Variants in PKP3 observed in about 807,000 individuals in gnomAD.
PKP3 encodes plakophilin-3.
Under a neutral mutation model 76.5 loss-of-function variants are expected in PKP3, and 66 were observed. The ratio of observed to expected loss-of-function variants is 0.86; its 90% CI spans 0.71 to 1.06. PKP3 has a LOEUF of 1.06. Among genes scored for constraint, PKP3 ranks in the 50% least tolerant of loss-of-function variants. PKP3 has a pLI of 0.00. For missense variants in PKP3, 1,338 were observed against 1,141.0 expected (o/e 1.17, Z -2.49); for synonymous variants, 638 against 516.5 (o/e 1.24, Z -3.19).
At chr11:400,875 C>G (rs1847148402) in intron 8 of PKP3, among the ~76,000 whole-genome samples, 170 bp downstream of exon 8, 1 of 48,222 alleles carries the variant, frequency 2.1e-5, no homozygotes. Context: ...TCACACCCGC[C>G]CCGCTCACCC....
Position 403,121 on chromosome 11 carries a change from A to C in PKP3, c.1781A>C (p.Lys594Thr). ...ADALTFAEVS[K>T]DPKGLEWLWS... ...GCGCTCACCTTCGCGGAGGTGTCCA[A>C]GGACCCCAAGGGCCTCGAGTGGCTG... is the stretch of plus-strand genomic sequence containing the variant. The change falls in exon 9 of 13, where the codon AAG becomes ACG. Residue 594 changes from lysine (K) to threonine (T), a missense_variant. Transcript: ENST00000331563. 1 of 1,562,848 alleles carries C rather than the reference A, an allele frequency of 6.4e-7. No individual in the cohort carries two copies. The highest frequency in any genetic ancestry group is 8.6e-7 in the Non-Finnish European group (1 of 1,156,254).
At chr11:393,486 G>A (rs1847002329), upstream of PKP3, 1 of 152,180 alleles carries the variant, frequency 6.6e-6, no homozygotes, top group African/African-American at 2.4e-5. Context: ...GGTCCCAGAA[G>A]CCAGAGAGGG....
At position 396,707 on chromosome 11, in the gene PKP3, C is replaced by G. The variant is rs779571085; in HGVS notation, c.312+20C>G. 2 of 1,600,500 alleles carry G rather than the reference C, an allele frequency of 1.2e-6. No homozygotes were observed. Among genetic ancestry groups the G allele is most frequent in the East Asian group, 4.5e-5 (2 of 44,794 alleles). On this transcript the variant is annotated intron_variant, in intron 2 of 12. Transcript: ENST00000331563. ...ACCTCGGTGAGCGATGGGCCCAGCC[C>G]GAGGGGGACGATCTGAGCTCTGCAG...
Position 400,679 on chromosome 11 carries a change from A to T in PKP3, c.1711A>T (p.Thr571Ser). 1 of 1,308,426 alleles carries T rather than the reference A, an allele frequency of 7.6e-7. No individual in the cohort carries two copies. Among genetic ancestry groups the T allele is most frequent in the Non-Finnish European group, 9.7e-7 (1 of 1,028,940 alleles). 81.1% of individuals were successfully genotyped at this position (1,308,426 alleles called of 1,614,324 possible). ...APPGEVVGCF[T>S]PQSRRLRELP... Reference sequence around the variant, plus strand: ...GCCGGGAGAGGTCGTGGGCTGCTTCACGCCGCAGAGCCGGCGGCTGCGCGA... The same window carrying T: ...GCCGGGAGAGGTCGTGGGCTGCTTCTCGCCGCAGAGCCGGCGGCTGCGCGA... Residue 571 changes from threonine (T) to serine (S), a missense_variant, in exon 8 of 13, where the codon ACG becomes TCG. Physicochemically the swap from Thr to Ser is moderately conservative, Grantham distance 58. Transcript: ENST00000331563.
In PKP3 at chr11:397,142, C is replaced by T. The variant is rs544209953; in HGVS notation, c.641C>T (p.Ala214Val). 21 of 1,597,738 alleles carry T rather than the reference C, an allele frequency of 1.3e-5. No individual in the cohort carries two copies. The highest frequency in any genetic ancestry group is 5.3e-5 in the African/African-American group (4 of 74,868). Residue 214 changes from alanine to valine, a missense_variant, in exon 3 of 13, where the codon GCG (alanine) becomes GTG (valine). Transcript: ENST00000331563. The part of the protein sequence containing the change: ...PAATSTYRAF[A>V]YERQASSSSS... ...GCCACCTCCACCTACAGGGCCTTTG[C>T]GTACGAGCGCCAGGCCAGCTCCAGC...
chr11:393,237 A>G (rs1214605989), upstream of PKP3, among the ~76,000 whole-genome samples: 1 of 136,974 alleles, frequency 7.3e-6, no homozygotes, highest in African/African-American at 2.6e-5. Context: ...GGGGCCCCCC[A>G]CTACCCCACC....
At chr11:395,501 T>C (rs1847033472) in intron 1 of PKP3, among the ~76,000 whole-genome samples, 1 of 151,970 alleles carries the variant, frequency 6.6e-6, no homozygotes, top group Admixed American at 6.5e-5. Flanking sequence ...TGGAGGACGG[T>C]GAGGGAAGGG....
upstream of PKP3, chr11:393,548 T>A (rs1485636039): frequency 4.6e-5 from 7 of 151,438 alleles, no homozygotes; most frequent in Non-Finnish European, 8.8e-5. Context: ...AGTTCCAGGG[T>A]CTGCAGGCTT....
Position 396,640 on chromosome 11 carries a change from G to A in PKP3, c.265G>A (p.Ala89Thr). Residue 89 changes from alanine to threonine, a missense_variant, in exon 2 of 13, where the codon GCT (alanine) becomes ACT (threonine). Coordinates refer to ENST00000331563, the MANE Select transcript of PKP3 (RefSeq NM_007183.4). The stretch of plus-strand genomic sequence containing the variant: ...CAGGGGGCAGTACCACACCCTGCAG[G>A]CTGGCTTCAGCTCTCGCTCTCAGGG... ...TSRGQYHTLQ[A>T]GFSSRSQGLS... 1 of 1,610,936 alleles carries A rather than the reference G, an allele frequency of 6.2e-7. No homozygotes were observed. The highest frequency in any genetic ancestry group is 8.5e-7 in the Non-Finnish European group (1 of 1,179,340).
rs747089039 is a variant in PKP3 at position 404,367 on chromosome 11, G to T, written c.2358+44G>T. The T allele has an allele frequency of 3.2e-6, 5 of 1,553,672 alleles. No individual in the cohort carries two copies. The highest frequency in any genetic ancestry group is 3.6e-6 in the Non-Finnish European group (4 of 1,126,314). ...GGGCAAGCAGGGACCCGGGTGCAGG[G>T]CATGGGACGCCGGGGGAGGGTCAGT... On this transcript the variant is annotated intron_variant, in intron 12 of 12. Transcript: ENST00000331563. The surrounding 1 kb of genome is among the most constrained non-coding windows in gnomAD (Gnocchi z 4.2).
At chr11:393,827 G>A (rs562633734), upstream of PKP3, among the ~76,000 whole-genome samples, 2 of 152,206 alleles carry the variant, frequency 1.3e-5, no homozygotes, top group Non-Finnish European at 2.9e-5. Context: ...GACCCCCAGG[G>A]ACTGGGGCAC....
rs1422603330 is a variant in PKP3, at chr11:400,626, G to T, written c.1658G>T (p.Arg553Leu). Residue 553 changes from arginine to leucine, a missense_variant, in exon 8 of 13, where the codon CGC (arginine) becomes CTC (leucine). Arg to Leu is a moderately radical substitution (Grantham distance 102). Transcript: ENST00000331563. ...PPSALQRLEG[R>L]GRRDLAGAPP... Reference sequence around the variant, plus strand: ...TCCGCGCTGCAGCGGCTGGAGGGTCGCGGCCGCAGGGACCTGGCGGGGGCG... The same window carrying T: ...TCCGCGCTGCAGCGGCTGGAGGGTCTCGGCCGCAGGGACCTGGCGGGGGCG... The T allele has an allele frequency of 7.1e-7, 1 of 1,411,508 alleles. No individual in the cohort carries two copies. Among genetic ancestry groups the T allele is most frequent in the Non-Finnish European group, 9.2e-7 (1 of 1,091,790 alleles). The allele number at this position is 1,411,508 out of a possible 1,614,324, so 87.4% of individuals were successfully genotyped here.
At chr11:396,548 G>A in intron 1 of PKP3, 60 bp from the exon 2 acceptor site, 1 of 1,212,932 alleles carries the variant, frequency 8.2e-7, no homozygotes, top group Non-Finnish European at 1.2e-6. Flanking sequence ...GTGGAGAGGA[G>A]GCAGGAGGCC....
intron 1 of PKP3, chr11:396,294 G>A (rs148636348): frequency 0.015 from 5,435 of 356,138 alleles, 66 homozygotes; most frequent in Admixed American, 0.025. Flanking sequence ...AAGGATTGGA[G>A]AACTGATGTC....
Position 404,498 on chromosome 11 carries a change from A to T in PKP3, c.2359-36A>T. The stretch of plus-strand genomic sequence containing the variant: ...AGCGGGCAGAGGGCCACATGGGCAG[A>T]CATGCACCCTGACCTTGGGCCTCTC... On this transcript the variant is annotated intron_variant, in intron 12 of 12. Coordinates refer to ENST00000331563, the MANE Select transcript of PKP3 (RefSeq NM_007183.4). This position sits in a 1 kb window ranked among gnomAD's most constrained non-coding sequence, Gnocchi z 4.2. 1 of 1,609,718 alleles carries T rather than the reference A, an allele frequency of 6.2e-7. No homozygotes were observed. The highest frequency in any genetic ancestry group is 8.5e-7 in the Non-Finnish European group (1 of 1,177,212).
At position 394,445 on chromosome 11, in the gene PKP3, C is replaced by T. The variant is rs1432425652; in HGVS notation, c.153C>T (p.Arg51=). Residue 51 remains arginine, a synonymous_variant, in exon 1 of 13, where the codon CGC becomes CGT. Transcript: ENST00000331563. ...LRAARVQEQV[R]ARLLQLGQQP... is the part of the protein sequence containing the mutation. ...CAGCCCGCGTCCAGGAGCAGGTCCGCGCCCGCCTCTTGCAGCTGGGACAGC... is the reference window on the plus strand; with the variant it reads ...CAGCCCGCGTCCAGGAGCAGGTCCGTGCCCGCCTCTTGCAGCTGGGACAGC... 6.2e-6 allele frequency: 9 copies of T among 1,453,334 alleles called. No individual in the cohort carries two copies. Among genetic ancestry groups the T allele is most frequent in the African/African-American group, 3.0e-5 (2 of 67,164 alleles). 90.0% of individuals were successfully genotyped at this position (1,453,334 alleles called of 1,614,324 possible).
At chr11:396,322 C>A (rs1246665682) in intron 1 of PKP3, 2 of 411,186 alleles carry the variant, frequency 4.9e-6, no homozygotes, top group African/African-American at 4.1e-5. Flanking sequence ...CTGGCACATT[C>A]CTCCTGGCGA....
intron 10 of PKP3, 76 bp from the exon 11 acceptor site, chr11:403,867 C>A: frequency 6.4e-7 from 1 of 1,572,464 alleles, no homozygotes; most frequent in Non-Finnish European, 8.7e-7. Context: ...AGTCCAGCTC[C>A]CTGGGGGAGG....
chr11:404,678 C>G lies in PKP3; in HGVS notation c.*109C>G. ...GAGGAGAAGGCTAATGACGGAGGGGCCCCTCGCTGGGGCCCCTGTGTGCAT... is the reference window on the plus strand; with the variant it reads ...GAGGAGAAGGCTAATGACGGAGGGGGCCCTCGCTGGGGCCCCTGTGTGCAT... On this transcript the variant is annotated 3_prime_UTR_variant, in exon 13 of 13. Coordinates refer to ENST00000331563, the MANE Select transcript of PKP3 (RefSeq NM_007183.4). The surrounding 1 kb of genome is among the most constrained non-coding windows in gnomAD (Gnocchi z 4.2). 8.9e-7 allele frequency: 1 copy of G among 1,121,014 alleles called. No homozygotes were observed. The highest frequency in any genetic ancestry group is 1.3e-6 in the Non-Finnish European group (1 of 758,380). The allele number at this position is 1,121,014 out of a possible 1,614,324, so 69.4% of individuals were successfully genotyped here. A position where few individuals can be genotyped will look rare whatever the true frequency, so the allele number is the denominator to read the frequency against.
Sources: allele counts gnomAD v4.1 joint callset (sites outside exome capture counted in the v4.1 genomes callset), GRCh38; gene constraint gnomAD v4.1.1; non-coding constraint Gnocchi (gnomAD v3.1); transcripts MANE v1.5; gene names NCBI Gene and HGNC (gene_info 2026-07-23, HGNC 2026-07-21).